EML4: variants seen among roughly 807,000 people sequenced by gnomAD.
EML4 encodes the protein EMAP like 4, also known as echinoderm microtubule-associated protein-like 4.
A neutral mutation model predicts 129.0 loss-of-function variants in EML4; 72 were observed. The ratio of observed to expected loss-of-function variants is 0.56; its 90% CI spans 0.46 to 0.68. The LOEUF is 0.68. Among genes scored for constraint, EML4 ranks in the 30% least tolerant of loss-of-function variants. The pLI is 0.00. For synonymous variants in EML4, 532 were observed against 405.0 expected (o/e 1.31, Z -3.77); for missense variants, 1,363 against 1,190.6 (o/e 1.14, Z -2.13).
chr2:42,255,350 G>A (rs1175913437), intron 2 of EML4, among the ~76,000 whole-genome samples: 1 of 152,158 alleles, frequency 6.6e-6, no homozygotes, highest in Non-Finnish European at 1.5e-5. Flanking sequence ...CTCCCAAAGT[G>A]CTGGGATTAC....
rs751135716 is a variant in EML4, at chr2:42,263,260, C to A, written c.595C>A (p.Pro199Thr). 6.2e-7 allele frequency: 1 copy of A among 1,613,028 alleles called. No individual in the cohort carries two copies. The highest frequency in any genetic ancestry group is 8.5e-7 in the Non-Finnish European group (1 of 1,179,582). ...DDSRNKLSKIPSTPKLIPKVT... is the reference protein window; with the variant it reads ...DDSRNKLSKITSTPKLIPKVT... ...TAGCCGTAATAAATTGTCGAAAATACCTTCAACACCCAAATTAATACCAAA... is the reference window on the plus strand; with the variant it reads ...TAGCCGTAATAAATTGTCGAAAATAACTTCAACACCCAAATTAATACCAAA... The change falls in exon 5 of 23, where the codon CCT becomes ACT. Residue 199 changes from proline to threonine, a missense_variant. Coordinates refer to ENST00000318522, the MANE Select transcript of EML4 (RefSeq NM_019063.5).
chr2:42,195,513 T>C (rs1671847420), intron 1 of EML4, among the ~76,000 whole-genome samples: 1 of 152,206 alleles, frequency 6.6e-6, no homozygotes, highest in Non-Finnish European at 1.5e-5. Context: ...GGGTAAATAA[T>C]GCTAAGTATA....
At chr2:42,323,321 C>A (rs1669617250) in intron 19 of EML4, among the ~76,000 whole-genome samples, 1 of 152,186 alleles carries the variant, frequency 6.6e-6, no homozygotes. Flanking sequence ...TAGCCAACAT[C>A]CATGTGCATC....
chr2:42,171,875 G>A (rs998714826), intron 1 of EML4, among the ~76,000 whole-genome samples: 21 of 152,188 alleles, frequency 1.4e-4, no homozygotes, highest in African/African-American at 4.3e-4. Flanking sequence ...TGGGGGAGGA[G>A]TAGTGCTGGT....
intron 1 of EML4, among the ~76,000 whole-genome samples, chr2:42,241,027 T>C (rs1674996694): frequency 6.6e-6 from 1 of 151,908 alleles, no homozygotes; most frequent in Non-Finnish European, 1.5e-5. Context: ...GCCTCTGTAA[T>C]CTCCCAGCTA....
intron 1 of EML4, among the ~76,000 whole-genome samples, chr2:42,185,146 A>G (rs984733059): frequency 3.3e-5 from 5 of 152,084 alleles, no homozygotes; most frequent in African/African-American, 1.2e-4. Context: ...TTGAAGAGAG[A>G]GAAAGTAATT....
chr2:42,191,758 A>T (rs1376706223), intron 1 of EML4, among the ~76,000 whole-genome samples: 1 of 152,176 alleles, frequency 6.6e-6, no homozygotes, highest in Non-Finnish European at 1.5e-5. Context: ...CTCAAACTGA[A>T]TTTTAAAAAT....
At chr2:42,203,576 T>G (rs1672360719) in intron 1 of EML4, among the ~76,000 whole-genome samples, 1 of 152,010 alleles carries the variant, frequency 6.6e-6, no homozygotes, top group South Asian at 2.1e-4. Flanking sequence ...ATGGCTAGTC[T>G]GGAATCACAG....
chr2:42,290,176 C>T (rs1315048229), intron 11 of EML4, among the ~76,000 whole-genome samples: 1 of 152,014 alleles, frequency 6.6e-6, no homozygotes, highest in African/African-American at 2.4e-5. Flanking sequence ...TAGTAAAGGT[C>T]AGAGGGAGAT....
intron 2 of EML4, among the ~76,000 whole-genome samples, chr2:42,246,128 C>A (rs915925516): frequency 6.6e-6 from 1 of 152,000 alleles, no homozygotes. Flanking sequence ...TAGCAGAATC[C>A]TGAAAAAATT....
At position 42,245,554 on chromosome 2, in the gene EML4, A is replaced by C; in HGVS notation, c.75A>C (p.Ser25=). ...ASTSDVQDRL[S]ALESRVQQQE... ...CTTCTGATGTTCAAGATCGCCTGTC[A>C]GCTCTTGAGTCACGAGTTCAGCAAC... The change falls in exon 2 of 23, where the codon TCA becomes TCC. Residue 25 remains serine, a synonymous_variant. Coordinates refer to ENST00000318522, the MANE Select transcript of EML4 (RefSeq NM_019063.5). The C allele has an allele frequency of 6.2e-7, 1 of 1,613,874 alleles. No individual in the cohort carries two copies.
chr2:42,177,369 C>T (rs1408499247), intron 1 of EML4, among the ~76,000 whole-genome samples: 2 of 151,880 alleles, frequency 1.3e-5, no homozygotes, highest in Admixed American at 6.6e-5. Flanking sequence ...GCCTGTAATC[C>T]CAACAGTTTG....
rs559587984 is a variant in EML4 at position 42,170,742 on chromosome 2, A to G, written c.25+1106A>G. ...GCTGGAACTGTATTTTGAGTTTTTT[A>G]TGTGCAGGTAGCTTGTATTCAGACG... On this transcript the variant is annotated intron_variant, in intron 1 of 22. Transcript: ENST00000318522. Among the ~76,000 whole-genome samples the G allele has an allele frequency of 3.9e-5, 6 of 152,306 alleles. No individual in the cohort carries two copies. In the East Asian group the frequency reaches 5.8e-4, roughly 15 times the overall value.
intron 11 of EML4, among the ~76,000 whole-genome samples, chr2:42,291,561 G>T (rs1048178116): frequency 5.9e-5 from 9 of 151,874 alleles, no homozygotes; most frequent in Non-Finnish European, 1.2e-4. Context: ...GTGCCACCAT[G>T]CCCAGCTAAT....
intron 6 of EML4, among the ~76,000 whole-genome samples, chr2:42,271,769 CT>C (rs1666384829): frequency 6.6e-6 from 1 of 152,114 alleles, no homozygotes; most frequent in Admixed American, 6.5e-5. Context: ...GTCTTCAAGT[CT>C]GCCAGTTAAC....
intron 1 of EML4, among the ~76,000 whole-genome samples, chr2:42,226,853 C>T (rs1199146638): frequency 6.6e-6 from 1 of 151,828 alleles, no homozygotes; most frequent in African/African-American, 2.4e-5. Flanking sequence ...TAAATATATA[C>T]AACTTTTACT....
intron 6 of EML4, among the ~76,000 whole-genome samples, chr2:42,271,632 A>G (rs981702073): frequency 6.6e-6 from 1 of 152,150 alleles, no homozygotes; most frequent in Non-Finnish European, 1.5e-5. Context: ...TTCATTAGAG[A>G]ACGTTCTAAT....
At chr2:42,230,771 G>A (rs1674288832) in intron 1 of EML4, among the ~76,000 whole-genome samples, 1 of 152,154 alleles carries the variant, frequency 6.6e-6, no homozygotes, top group Admixed American at 6.5e-5. Context: ...AGAAAAATTA[G>A]GTAGAAAGAC....
At chr2:42,226,426 GAGGCGGGCGGATCATGAGGTCAGGAGATC>G (rs1673961016) in intron 1 of EML4, among the ~76,000 whole-genome samples, 1 of 117,956 alleles carries the variant, frequency 8.5e-6, no homozygotes, top group African/African-American at 2.8e-5. Flanking sequence ...TTGGGAGGCC[GAGGCGGGCGGATCATGAGGTCAGGAGATC>G]GAGACCATCC....
Sources: allele counts gnomAD v4.1 joint callset (sites outside exome capture counted in the v4.1 genomes callset), GRCh38; gene constraint gnomAD v4.1.1; transcripts MANE v1.5; gene names NCBI Gene and HGNC (gene_info 2026-07-23, HGNC 2026-07-21).